GRK3: variants seen among roughly 807,000 people sequenced by gnomAD.
GRK3 encodes the protein G protein-coupled receptor kinase 3.
Under a neutral mutation model 95.7 loss-of-function variants are expected in GRK3, and 54 were observed. The ratio of observed to expected loss-of-function variants is 0.56; its 90% CI spans 0.45 to 0.71. GRK3 has a LOEUF of 0.71. GRK3 is among the 30% of genes least tolerant of loss of function. The pLI is 0.00. For synonymous variants in GRK3, 281 were observed against 290.8 expected, an observed-to-expected ratio of 0.97 and a Z score of 0.34; for missense variants, 649 against 851.2, an observed-to-expected ratio of 0.76 and a Z score of 2.96.
chr22:25,579,656 T>G (rs1017427900), intron 1 of GRK3, among the ~76,000 whole-genome samples: 6 of 151,826 alleles, frequency 4.0e-5, no homozygotes, highest in African/African-American at 1.5e-4. Context: ...GTATTTTTAG[T>G]AGAGACGTGG....
rs917111848 is a variant in GRK3 at position 25,673,612 on chromosome 22, G to A, written c.556-825G>A. Reference sequence around the variant, plus strand: ...ACGTGAAGTCTGTGGCCCAAACGCAGGTTTCTATAGGATGTTTTAAGGTTG... The same window carrying A: ...ACGTGAAGTCTGTGGCCCAAACGCAAGTTTCTATAGGATGTTTTAAGGTTG... On this transcript the variant is annotated intron_variant, in intron 7 of 20. Transcript: ENST00000324198. Among the ~76,000 whole-genome samples, 7 of 151,968 alleles carry A rather than the reference G, an allele frequency of 4.6e-5. No homozygotes were observed. The East Asian group carries it at 9.7e-4, about 21-fold the overall frequency.
At chr22:25,659,481 G>A (rs544547220) in intron 3 of GRK3, among the ~76,000 whole-genome samples, 15 of 152,266 alleles carry the variant, frequency 9.9e-5, no homozygotes, top group Middle Eastern at 3.4e-3. Context: ...AACCACCAAA[G>A]CAGAAAGGGA....
At position 25,706,338 on chromosome 22, in the gene GRK3, C is replaced by T. The variant is rs138021346; in HGVS notation, c.1328+2129C>T. ...GTGTGCAAGTGTGCAGCTCAATGCC[C>T]AGGCCTGTGTCTCATCCCCCAGCCA... On this transcript the variant is annotated intron_variant, in intron 15 of 20. Coordinates refer to ENST00000324198, the MANE Select transcript of GRK3 (RefSeq NM_005160.4). Among the ~76,000 whole-genome samples the T allele has an allele frequency of 9.6e-4, 146 of 151,950 alleles. 1 individual carries two copies. In the East Asian group the frequency reaches 0.02, roughly 20 times the overall value.
intron 2 of GRK3, among the ~76,000 whole-genome samples, chr22:25,624,961 GGCTGGAGTGCAGTGAC>G (rs1267352204): frequency 6.7e-6 from 1 of 149,340 alleles, no homozygotes; most frequent in East Asian, 2.0e-4. Flanking sequence ...CTGTCTCCCA[GGCTGGAGTGCAGTGAC>G]GTGATCTTGG....
At chr22:25,618,844 T>C (rs886767561) in intron 2 of GRK3, among the ~76,000 whole-genome samples, 2 of 152,076 alleles carry the variant, frequency 1.3e-5, no homozygotes, top group African/African-American at 4.8e-5. Context: ...TCAGTGCAGT[T>C]GACCACTGTC....
intron 1 of GRK3, among the ~76,000 whole-genome samples, chr22:25,587,675 A>G (rs139143581): frequency 0.023 from 3,427 of 152,222 alleles, 34 homozygotes; most frequent in Middle Eastern, 0.061. Context: ...TTGCACTCCC[A>G]TAATTCCCAC....
intron 3 of GRK3, 92 bp from the exon 4 acceptor site, chr22:25,661,484 G>A (rs1402233780): frequency 1.5e-6 from 1 of 686,326 alleles, no homozygotes; most frequent in Non-Finnish European, 2.5e-6. Context: ...TATCTCATGT[G>A]CAAGTGGTTT....
At chr22:25,656,010 A>G (rs2084868735) in intron 3 of GRK3, among the ~76,000 whole-genome samples, 1 of 152,170 alleles carries the variant, frequency 6.6e-6, no homozygotes, top group Admixed American at 6.5e-5. Flanking sequence ...ACTGCTTACT[A>G]GTTGTGTAAA....
At chr22:25,683,525 T>C (rs2085090612) in intron 9 of GRK3, among the ~76,000 whole-genome samples, 1 of 152,254 alleles carries the variant, frequency 6.6e-6, no homozygotes, top group Non-Finnish European at 1.5e-5. Context: ...ATTCACTGTA[T>C]ATCTTCCCAG....
At chr22:25,599,385 G>T (rs1459212822) in intron 1 of GRK3, among the ~76,000 whole-genome samples, 2 of 152,046 alleles carry the variant, frequency 1.3e-5, no homozygotes, top group Non-Finnish European at 2.9e-5. Flanking sequence ...GAGGTCAGGA[G>T]ATCAAGACCA....
At chr22:25,682,828 C>G (rs1362018186) in intron 9 of GRK3, among the ~76,000 whole-genome samples, 2 of 152,274 alleles carry the variant, frequency 1.3e-5, no homozygotes, top group South Asian at 2.1e-4. Flanking sequence ...TGTGCCTCTC[C>G]CAGTCACTAA....
rs374977227 is a variant in GRK3, at chr22:25,676,243, A to T, written c.647+1715A>T. Among the ~76,000 whole-genome samples, 295 of 152,236 alleles carry T rather than the reference A, an allele frequency of 1.9e-3. 1 individual carries two copies. Among genetic ancestry groups the T allele is most frequent in the African/African-American group, 6.8e-3 (282 of 41,526 alleles). On this transcript the variant is annotated intron_variant, in intron 8 of 20. Transcript: ENST00000324198. ...CCTCTGCAACCCTGGTCACTTTCTCATGGAAAAGTTCTTTCTTATTCTGTA... is the reference window on the plus strand; with the variant it reads ...CCTCTGCAACCCTGGTCACTTTCTCTTGGAAAAGTTCTTTCTTATTCTGTA...
intron 1 of GRK3, among the ~76,000 whole-genome samples, chr22:25,568,465 C>T (rs1931570739): frequency 6.6e-6 from 1 of 152,194 alleles, no homozygotes; most frequent in Non-Finnish European, 1.5e-5. Flanking sequence ...AAAGCTTGTC[C>T]TTTCAAAGTA....
chr22:25,620,276 G>T (rs765782144), intron 2 of GRK3, among the ~76,000 whole-genome samples: 34 of 152,078 alleles, frequency 2.2e-4, no homozygotes, highest in African/African-American at 7.5e-4. Context: ...CACATAGCCC[G>T]CGAAAAAGCT....
At chr22:25,642,522 A>C (rs1327812263) in intron 2 of GRK3, among the ~76,000 whole-genome samples, 2 of 152,168 alleles carry the variant, frequency 1.3e-5, no homozygotes, top group African/African-American at 4.8e-5. Flanking sequence ...GTACAAGTGC[A>C]ATTTTGTTAC....
chr22:25,614,017 T>A (rs2331083), intron 2 of GRK3, among the ~76,000 whole-genome samples: 1 of 152,072 alleles, frequency 6.6e-6, no homozygotes, highest in Non-Finnish European at 1.5e-5. Context: ...AAAAAAAAAT[T>A]CAGAAAAGCT....
chr22:25,721,002 C>T (rs779073331), intron 19 of GRK3, among the ~76,000 whole-genome samples: 2 of 152,148 alleles, frequency 1.3e-5, no homozygotes, highest in Non-Finnish European at 2.9e-5. Context: ...AGTAGGCTTG[C>T]GATTCATCAT....
At chr22:25,681,875 G>T (rs956399008) in intron 9 of GRK3, among the ~76,000 whole-genome samples, 1 of 152,072 alleles carries the variant, frequency 6.6e-6, no homozygotes, top group Admixed American at 6.5e-5. Context: ...ATCAAGGCAG[G>T]CCGTCTTATC....
At chr22:25,620,261 T>A (rs187432296) in intron 2 of GRK3, among the ~76,000 whole-genome samples, 65 of 152,182 alleles carry the variant, frequency 4.3e-4, no homozygotes, top group African/African-American at 1.4e-3. Flanking sequence ...ACCAGGCCTG[T>A]CTTTCACATA....
Sources: gnomAD v4.1 joint callset for allele counts (sites outside exome capture counted in the v4.1 genomes callset) on GRCh38, gnomAD v4.1.1 for gene constraint, MANE v1.5 for transcripts, NCBI Gene and HGNC (gene_info 2026-07-23, HGNC 2026-07-21) for gene names.